The following UBR7 variants were observed in gnomAD, a reference collection of about 807,000 sequenced individuals.
UBR7 encodes putative E3 ubiquitin-protein ligase UBR7.
A neutral mutation model predicts 57.0 loss-of-function variants in UBR7; 22 were observed. The observed-to-expected ratio is 0.39, with a 90% confidence interval of 0.28 to 0.55. UBR7 has a LOEUF of 0.55. UBR7 is among the 20% of genes least tolerant of loss of function. The probability of loss-of-function intolerance (pLI) is 0.69; values close to 1 mark genes in which losing one functional copy is unlikely to be tolerated. For missense variants in UBR7, 395 were observed against 513.2 expected (o/e 0.77, Z 2.23); for synonymous variants, 167 against 179.8 (o/e 0.93, Z 0.57).
chr14:93,224,195 G>A, intron 10 of UBR7: 1 of 553,918 alleles, frequency 1.8e-6, no homozygotes, highest in Non-Finnish European at 3.2e-6. Context: ...TTTTTTCTTT[G>A]TCATAGATGT....
chr14:93,207,502 C>T, intron 1 of UBR7, 61 bp downstream of exon 1: 2 of 1,481,156 alleles, frequency 1.4e-6, no homozygotes, highest in Non-Finnish European at 1.8e-6. Flanking sequence ...CTTCCCGGCC[C>T]GGCTGTCCCT....
At chr14:93,208,300 C>T (rs1249011949) in intron 1 of UBR7, among the ~76,000 whole-genome samples, 1 of 152,050 alleles carries the variant, frequency 6.6e-6, no homozygotes, top group Non-Finnish European at 1.5e-5. Context: ...GACTTGTATT[C>T]ATTATGTGGT....
In UBR7 at chr14:93,221,559, C is replaced by T. The variant is rs540777390; in HGVS notation, c.1124-754C>T. 2.0e-5 allele frequency among the ~76,000 whole-genome samples: 3 copies of T among 151,896 alleles called. No homozygotes were observed. In the South Asian group the frequency reaches 6.3e-4, roughly 32 times the overall value. ...TGCAAGCCACTGCACCTGGCCGTGT[C>T]TTTTATTTATAATTATTAATTTCTT... On this transcript the variant is annotated intron_variant, in intron 9 of 10. Coordinates refer to ENST00000013070, the MANE Select transcript of UBR7 (RefSeq NM_175748.4).
At chr14:93,211,915 A>G in intron 3 of UBR7, 117 bp from the exon 4 acceptor site, 1 of 787,692 alleles carries the variant, frequency 1.3e-6, no homozygotes. Context: ...TGAAAATTAA[A>G]GATCAGCCTC....
chr14:93,224,598 C>T (rs1054835689), intron 10 of UBR7, among the ~76,000 whole-genome samples: 12 of 151,916 alleles, frequency 7.9e-5, no homozygotes, highest in Non-Finnish European at 1.0e-4. Flanking sequence ...AGGATGGTCT[C>T]GATTTCCTGA....
In UBR7 at chr14:93,207,392, C is replaced by T. The variant is rs1002875844; in HGVS notation, c.101C>T (p.Ala34Val). The T allele has an allele frequency of 1.3e-6, 2 of 1,554,190 alleles. No homozygotes were observed. The highest frequency in any genetic ancestry group is 1.7e-6 in the Non-Finnish European group (2 of 1,150,240). Residue 34 changes from alanine to valine, a missense_variant, in exon 1 of 11, where the codon GCG becomes GTG. Physicochemically the swap from Ala to Val is moderately conservative, Grantham distance 64 (BLOSUM62 0). Coordinates refer to ENST00000013070, the MANE Select transcript of UBR7 (RefSeq NM_175748.4). ...GAGGACGAGGAGCTGGAGAATGAGG[C>T]GTGCGCTGTCCTGGGCGGCAGCGAC... ...LEEDEELENEACAVLGGSDSE... is the reference protein window; with the variant it reads ...LEEDEELENEVCAVLGGSDSE...
In UBR7 at chr14:93,220,267, G is replaced by C. The variant is rs755600963; in HGVS notation, c.979G>C (p.Asp327His). The stretch of plus-strand genomic sequence containing the variant: ...CCTAAAGAAAATGTATGGAGATCTA[G>C]ATGTCTTATTCCTGACAGATGAATA... Reference protein sequence around the residue: ...QDCMKMYGDLDVLFLTDEYDT... With the variant: ...QDCMKMYGDLHVLFLTDEYDT... Residue 327 changes from aspartate to histidine, a missense_variant, in exon 9 of 11, where the codon GAT (aspartate) becomes CAT (histidine). Physicochemically the swap from Asp to His is moderately conservative, Grantham distance 81. Coordinates refer to ENST00000013070, the MANE Select transcript of UBR7 (RefSeq NM_175748.4). The C allele has an allele frequency of 6.4e-7, 1 of 1,554,406 alleles. No homozygotes were observed. The highest frequency in any genetic ancestry group is 2.3e-5 in the East Asian group (1 of 43,416).
chr14:93,210,208 C>T (rs757493510), intron 2 of UBR7, among the ~76,000 whole-genome samples: 2 of 151,992 alleles, frequency 1.3e-5, no homozygotes, highest in Non-Finnish European at 2.9e-5. Context: ...CTCAGCCTCC[C>T]GAATAGCTGG....
At chr14:93,224,372 CTTTTTTTTTTTTT>C (rs761189322) in intron 10 of UBR7, among the ~76,000 whole-genome samples, 1 of 93,792 alleles carries the variant, frequency 1.1e-5, no homozygotes, top group South Asian at 3.9e-4. Flanking sequence ...CCTTACAGTT[CTTTTTTTTTTTTT>C]TTTTTTTTTT....
intron 4 of UBR7, among the ~76,000 whole-genome samples, chr14:93,213,315 A>AT (rs1380389490): frequency 1.5e-4 from 22 of 147,336 alleles, no homozygotes; most frequent in East Asian, 6.0e-4. Context: ...CTTTTTTTTC[A>AT]TTTTTTTTTT....
At chr14:93,226,064 G>A (rs1046842574) in intron 10 of UBR7, among the ~76,000 whole-genome samples, 2 of 152,192 alleles carry the variant, frequency 1.3e-5, no homozygotes, top group Non-Finnish European at 2.9e-5. Flanking sequence ...TTCCTCACTG[G>A]TTGAGCAGCA....
intron 6 of UBR7, among the ~76,000 whole-genome samples, chr14:93,217,298 A>G (rs1337627652): frequency 6.6e-6 from 1 of 152,178 alleles, no homozygotes; most frequent in Non-Finnish European, 1.5e-5. Context: ...GAGTGCTGTG[A>G]TTACAGGTGT....
At chr14:93,226,821 T>C (rs1894863252) in intron 10 of UBR7, 122 bp from the exon 11 acceptor site, 3 of 533,902 alleles carry the variant, frequency 5.6e-6, no homozygotes, top group East Asian at 8.1e-5. Context: ...AAATAGAAAA[T>C]GGAGATGTTA....
intron 10 of UBR7, among the ~76,000 whole-genome samples, chr14:93,224,535 G>A (rs952158930): frequency 2.6e-5 from 4 of 151,688 alleles, no homozygotes; most frequent in African/African-American, 4.9e-5. Context: ...CCGCCACCAC[G>A]CCCGGCTAAT....
At chr14:93,222,165 G>A (rs1485078583) in intron 9 of UBR7, 148 bp from the exon 10 acceptor site, 9 of 639,166 alleles carry the variant, frequency 1.4e-5, no homozygotes, top group Non-Finnish European at 2.5e-5. Context: ...CAGATAATTT[G>A]GGAACGAGTT....
At position 93,209,970 on chromosome 14, in the gene UBR7, A is replaced by G; in HGVS notation, c.284+13A>G. On this transcript the variant is annotated intron_variant, in intron 2 of 10. Coordinates refer to ENST00000013070, the MANE Select transcript of UBR7 (RefSeq NM_175748.4). Reference sequence around the variant, plus strand: ...TATACACAAAAAGGTAAACATAGTCAAGAGATTGTTACTAAATGCTTTTGA... The same window carrying G: ...TATACACAAAAAGGTAAACATAGTCGAGAGATTGTTACTAAATGCTTTTGA... The G allele has an allele frequency of 6.2e-7, 1 of 1,613,648 alleles. No individual in the cohort carries two copies. The highest frequency in any genetic ancestry group is 8.5e-7 in the Non-Finnish European group (1 of 1,179,746).
In UBR7 at chr14:93,218,510, T is replaced by C; in HGVS notation, c.602-17T>C. ...GGATATGTGTGTATGTGTTTTTCTTTTTCTTTGAACTCACAGTAACCAAAA... is the reference window on the plus strand; with the variant it reads ...GGATATGTGTGTATGTGTTTTTCTTCTTCTTTGAACTCACAGTAACCAAAA... On this transcript the variant is annotated splice_polypyrimidine_tract_variant and intron_variant, in intron 6 of 10. Transcript: ENST00000013070. The C allele has an allele frequency of 6.2e-7, 1 of 1,613,112 alleles. No individual in the cohort carries two copies. The highest frequency in any genetic ancestry group is 1.7e-4 in the Middle Eastern group (1 of 6,056).
intron 4 of UBR7, among the ~76,000 whole-genome samples, chr14:93,212,544 C>T (rs1453714478): frequency 6.6e-6 from 1 of 152,208 alleles, no homozygotes; most frequent in Non-Finnish European, 1.5e-5. Context: ...CTCACTTCTG[C>T]ACCTCTTACC....
At chr14:93,226,239 A>T (rs548937111) in intron 10 of UBR7, among the ~76,000 whole-genome samples, 22 of 152,128 alleles carry the variant, frequency 1.4e-4, no homozygotes, top group African/African-American at 5.3e-4. Flanking sequence ...CTTTCTCTTT[A>T]TCTCTTTCCC....
Sources: gnomAD v4.1 joint callset for allele counts (sites outside exome capture counted in the v4.1 genomes callset) on GRCh38, gnomAD v4.1.1 for gene constraint, MANE v1.5 for transcripts, NCBI Gene and HGNC (gene_info 2026-07-23, HGNC 2026-07-21) for gene names.